Variants in MTMR10 observed in about 807,000 individuals in gnomAD.
The protein encoded by MTMR10 is myotubularin related protein 10.
Under a neutral mutation model 88.1 loss-of-function variants are expected in MTMR10, and 56 were observed. That is an observed-to-expected ratio of 0.64 (90% CI 0.51 to 0.79). The LOEUF is 0.79. Among genes scored for constraint, MTMR10 ranks in the 30% least tolerant of loss-of-function variants. MTMR10 has a pLI of 0.00. For missense variants in MTMR10, 883 were observed against 924.7 expected (o/e 0.95, Z 0.58); for synonymous variants, 380 against 340.9 (o/e 1.11, Z -1.26).
chr15:30,933,581 A>G, the MTMR10 span, among the ~76,000 whole-genome samples: 1 of 152,212 alleles, frequency 6.6e-6, no homozygotes, highest in African/African-American at 2.4e-5. Flanking sequence ...TGTACTTGAA[A>G]AGAATGTGTG....
chr15:30,927,487 C>T, the MTMR10 span: 1 of 985,714 alleles, frequency 1.0e-6, no homozygotes, highest in South Asian at 4.7e-5. Context: ...AGCAGCACAG[C>T]CTCAGAAGTG....
Position 30,940,308 on chromosome 15 carries a change from C to G in MTMR10, c.*1162G>C. On this transcript the variant is annotated 3_prime_UTR_variant, in exon 16 of 16. Transcript: ENST00000435680. Reference sequence around the variant, plus strand: ...TTTAGAGAGATTCAGATCAAGCAAACAACTGTGTCTGCTCATTCTCCTCAA... The same window carrying G: ...TTTAGAGAGATTCAGATCAAGCAAAGAACTGTGTCTGCTCATTCTCCTCAA... The G allele has an allele frequency of 1.0e-6, 1 of 985,408 alleles. No homozygotes were observed. The highest frequency in any genetic ancestry group is 1.2e-6 in the Non-Finnish European group (1 of 829,918). 61.0% of individuals were successfully genotyped at this position (985,408 alleles called of 1,614,324 possible).
At chr15:30,956,956 G>A (rs967737378) in intron 9 of MTMR10, among the ~76,000 whole-genome samples, 2 of 152,080 alleles carry the variant, frequency 1.3e-5, no homozygotes, top group Admixed American at 6.5e-5. Flanking sequence ...CAGAGAATAC[G>A]GACTCGTGTG....
At chr15:30,960,812 C>A in intron 7 of MTMR10, 69 bp downstream of exon 7, 16 of 1,405,318 alleles carry the variant, frequency 1.1e-5, no homozygotes, top group Non-Finnish European at 1.4e-5. Context: ...TCAATGACAA[C>A]AGAGTTTGAT....
chr15:30,934,852 G>A (rs1424573750), downstream of MTMR10, among the ~76,000 whole-genome samples: 1 of 152,068 alleles, frequency 6.6e-6, no homozygotes, highest in East Asian at 1.9e-4. Flanking sequence ...TTCCCTTCCA[G>A]CCTTTGTGGT....
At chr15:30,930,506 G>A in the MTMR10 span, 24 of 1,560,772 alleles carry the variant, frequency 1.5e-5, no homozygotes, top group Non-Finnish European at 2.0e-5. Flanking sequence ...TCTCTGTCAC[G>A]AGGGAAGTGG....
intron 12 of MTMR10, chr15:30,949,886 C>T (rs537910600): frequency 6.6e-6 from 1 of 152,264 alleles, no homozygotes; most frequent in South Asian, 2.1e-4. Context: ...TTGTATGATT[C>T]CATTTATATG....
At chr15:30,953,747 C>A (rs1422421510) in intron 10 of MTMR10, 116 bp from the exon 11 acceptor site, 1 of 651,702 alleles carries the variant, frequency 1.5e-6, no homozygotes, top group Admixed American at 3.0e-5. Context: ...AAATATCATG[C>A]ATTTTCACTT....
chr15:30,928,226 G>A, the MTMR10 span: 1 of 1,058,710 alleles, frequency 9.4e-7, no homozygotes, highest in Non-Finnish European at 1.1e-6. Context: ...ACCTGAGGAG[G>A]GTATCTGCCT....
Position 30,991,526 on chromosome 15 carries a change from C to T in MTMR10, c.-20G>A, listed in dbSNP as rs1595959060. The stretch of plus-strand genomic sequence containing the variant: ...GAACATGGTGCCGCCGCCTTTTCGC[C>T]CCGTTCCCGTCGCGGGCCAGTGGCA... On this transcript the variant is annotated 5_prime_UTR_variant, in exon 1 of 16. Coordinates refer to ENST00000435680, the MANE Select transcript of MTMR10 (RefSeq NM_017762.3). 6.5e-7 allele frequency: 1 copy of T among 1,536,200 alleles called. No individual in the cohort carries two copies. The highest frequency in any genetic ancestry group is 1.2e-5 in the South Asian group (1 of 80,608).
chr15:30,920,293 C>A, the MTMR10 span, among the ~76,000 whole-genome samples: 1 of 152,214 alleles, frequency 6.6e-6, no homozygotes, highest in Non-Finnish European at 1.5e-5. Flanking sequence ...CTGGGTTTGG[C>A]TGTGGGCCGG....
chr15:30,970,608 T>C (rs2063526298), intron 5 of MTMR10, among the ~76,000 whole-genome samples: 1 of 152,188 alleles, frequency 6.6e-6, no homozygotes, highest in Admixed American at 6.6e-5. Context: ...CTAATGTCTA[T>C]CACATTCTCC....
chr15:30,989,670 C>T (rs2031178412), intron 2 of MTMR10, among the ~76,000 whole-genome samples: 1 of 151,710 alleles, frequency 6.6e-6, no homozygotes, highest in Admixed American at 6.6e-5. Flanking sequence ...GCAAGCTCCG[C>T]CTCCCGAGTT....
intron 6 of MTMR10, among the ~76,000 whole-genome samples, chr15:30,966,434 T>C (rs1316546144): frequency 6.6e-6 from 1 of 152,188 alleles, no homozygotes; most frequent in African/African-American, 2.4e-5. Context: ...GTAGAAGTTA[T>C]GGATCTGTAA....
intron 2 of MTMR10, among the ~76,000 whole-genome samples, chr15:30,985,454 G>A (rs564455517): frequency 6.6e-6 from 1 of 152,324 alleles, no homozygotes; most frequent in Admixed American, 6.5e-5. Context: ...GCAGCCAGGT[G>A]GGCCGTGCTA....
At chr15:30,952,509 C>T (rs7171394) in intron 11 of MTMR10, among the ~76,000 whole-genome samples, 3,184 of 152,124 alleles carry the variant, frequency 0.021, 107 homozygotes, top group African/African-American at 0.073. Flanking sequence ...GGACCACAGG[C>T]ACGAGCCACC....
intron 2 of MTMR10, among the ~76,000 whole-genome samples, 163 bp from the exon 3 acceptor site, chr15:30,977,118 T>C (rs998427434): frequency 6.6e-6 from 1 of 152,200 alleles, no homozygotes; most frequent in Non-Finnish European, 1.5e-5. Flanking sequence ...AAGTGAATAG[T>C]AATGACAAGG....
At chr15:30,930,412 A>G in the MTMR10 span, 3 of 1,055,390 alleles carry the variant, frequency 2.8e-6, no homozygotes, top group African/African-American at 1.6e-5. Context: ...AGAACAGCGC[A>G]TGGTGGGCCT....
chr15:30,940,757 C>A lies in MTMR10; in HGVS notation c.*713G>T. On this transcript the variant is annotated 3_prime_UTR_variant, in exon 16 of 16. Transcript: ENST00000435680. ...ATTTCAAATATGCAATGGGATTTTC[C>A]CACCCCAATTTTAAAAAGTGAAATT... 1 of 989,096 alleles carries A rather than the reference C, an allele frequency of 1.0e-6. No individual in the cohort carries two copies. The highest frequency in any genetic ancestry group is 4.6e-5 in the South Asian group (1 of 21,582). 61.3% of individuals were successfully genotyped at this position (989,096 alleles called of 1,614,324 possible).
Sources: allele counts gnomAD v4.1 joint callset (sites outside exome capture counted in the v4.1 genomes callset), GRCh38; gene constraint gnomAD v4.1.1; transcripts MANE v1.5; gene names NCBI Gene and HGNC (gene_info 2026-07-23, HGNC 2026-07-21).